Variants in SLCO4A1 observed in about 807,000 individuals in gnomAD.
SLCO4A1 encodes solute carrier organic anion transporter family member 4A1.
In SLCO4A1, 51 loss-of-function variants were observed where a neutral mutation model predicts 64.6. The observed-to-expected ratio is 0.79, with a 90% CI of 0.63 to 1.00. The LOEUF is 1.00. SLCO4A1 is among the 50% of genes least tolerant of loss of function. The probability of loss-of-function intolerance (pLI) is 0.00; values close to 1 mark genes in which losing one functional copy is unlikely to be tolerated. For missense variants in SLCO4A1, 919 were observed against 980.5 expected, an observed-to-expected ratio of 0.94 and a Z score of 0.84; for synonymous variants, 471 against 444.9, an observed-to-expected ratio of 1.06 and a Z score of -0.74.
chr20:62,680,705 C>T (rs980531234), intron 2 of SLCO4A1, among the ~76,000 whole-genome samples: 24 of 152,084 alleles, frequency 1.6e-4, no homozygotes, highest in African/African-American at 5.5e-4. Flanking sequence ...TTAAGCCTGC[C>T]CCCCACCCCC....
intron 2 of SLCO4A1, among the ~76,000 whole-genome samples, chr20:62,683,351 A>G (rs971476258): frequency 4.0e-5 from 6 of 151,680 alleles, no homozygotes; most frequent in Admixed American, 6.6e-5. Flanking sequence ...GCTGCTGGCC[A>G]TGCCTGGAGG....
In SLCO4A1 at chr20:62,644,344, C is replaced by T. The variant is rs1312214843; in HGVS notation, c.-97+1791C>T. Among the ~76,000 whole-genome samples, 2 of 152,252 alleles carry T rather than the reference C, an allele frequency of 1.3e-5. No homozygotes were observed. Among genetic ancestry groups the T allele is most frequent in the East Asian group, 1.9e-4 (1 of 5,202 alleles). ...AGCAGGTGGTGCCTGGAAAATTCTT[C>T]ATGAGGGAGCTTCCCTCCCGAGTGG... On this transcript the variant is annotated intron_variant, in intron 1 of 11. Coordinates refer to ENST00000217159, the MANE Select transcript of SLCO4A1 (RefSeq NM_016354.4). The surrounding 1 kb of genome is among the most constrained non-coding windows in gnomAD (Gnocchi z 5.4).
rs755143971 is a variant in SLCO4A1, at chr20:62,671,734, G to C, written c.2026-16G>C. 6 of 1,609,778 alleles carry C rather than the reference G, an allele frequency of 3.7e-6. No homozygotes were observed. The highest frequency in any genetic ancestry group is 1.7e-5 in the Admixed American group (1 of 59,890). On this transcript the variant is annotated splice_polypyrimidine_tract_variant and intron_variant, in intron 11 of 11. Transcript: ENST00000217159. ...CCGAGCTCCCCACGAGGTCCAGCGG[G>C]CTCCTCTCTCCCCAGGTGCTGGGCG...
intron 5 of SLCO4A1, chr20:62,662,879 G>A (rs1985297355): frequency 6.6e-6 from 1 of 151,936 alleles, no homozygotes. Context: ...CCCACCCCAG[G>A]TCTGTCACCC....
intron 1 of SLCO4A1, among the ~76,000 whole-genome samples, chr20:62,654,404 C>T (rs1358636424): frequency 6.6e-6 from 1 of 152,246 alleles, no homozygotes; most frequent in African/African-American, 2.4e-5. Context: ...CCGCCCACCC[C>T]AGCCCCAGCG....
intron 5 of SLCO4A1, chr20:62,663,073 A>T (rs1018201204): frequency 6.6e-6 from 1 of 152,220 alleles, no homozygotes; most frequent in African/African-American, 2.4e-5. Flanking sequence ...AGGGAAGGGG[A>T]CAGAAAGAAC....
chr20:62,679,800 C>G (rs1041224673), intron 2 of SLCO4A1, among the ~76,000 whole-genome samples: 1 of 152,240 alleles, frequency 6.6e-6, no homozygotes, highest in Non-Finnish European at 1.5e-5. Flanking sequence ...GCCCAGGCCA[C>G]AGCAGCAGCA....
At chr20:62,647,248 G>C (rs1981513730) in intron 1 of SLCO4A1, among the ~76,000 whole-genome samples, 1 of 152,240 alleles carries the variant, frequency 6.6e-6, no homozygotes, top group Non-Finnish European at 1.5e-5. Flanking sequence ...AGGTGTCTTG[G>C]GGGGCTGGTG....
chr20:62,689,299 G>A (rs550638141), downstream of SLCO4A1, among the ~76,000 whole-genome samples: 506 of 151,540 alleles, frequency 3.3e-3, 7 homozygotes, highest in South Asian at 0.03. Context: ...CCCGTGCCTC[G>A]CAGGCCTGTC....
chr20:62,673,595 G>C (rs1444903160), downstream of SLCO4A1, among the ~76,000 whole-genome samples: 3 of 143,398 alleles, frequency 2.1e-5, 1 homozygote, highest in East Asian at 6.1e-4. Flanking sequence ...GGTTATAAGA[G>C]ACCACGACAC....
chr20:62,649,790 ACTC>A (rs1342597447), intron 1 of SLCO4A1: 1 of 151,854 alleles, frequency 6.6e-6, no homozygotes, highest in African/African-American at 2.4e-5. Context: ...CCATCTGCAG[ACTC>A]CTCATTTGCA....
chr20:62,660,565 A>G (rs778773362), intron 4 of SLCO4A1, 32 bp downstream of exon 4: 12 of 1,600,602 alleles, frequency 7.5e-6, no homozygotes, highest in Non-Finnish European at 9.3e-6. Context: ...CAGCCTTCAC[A>G]TTGGGAGACT....
At chr20:62,669,831 C>T (rs1246185189) in intron 11 of SLCO4A1, 3 of 152,128 alleles carry the variant, frequency 2.0e-5, no homozygotes, top group African/African-American at 7.2e-5. Flanking sequence ...TTCACCTCCC[C>T]TCGGATTAGC....
rs533884903 is a variant in SLCO4A1, at chr20:62,671,381, T to C, written c.2026-369T>C. 6.6e-5 allele frequency among the ~76,000 whole-genome samples: 10 copies of C among 152,204 alleles called. No individual in the cohort carries two copies. In the South Asian group the frequency reaches 1.4e-3, roughly 22 times the overall value. On this transcript the variant is annotated intron_variant, in intron 11 of 11. Transcript: ENST00000217159. ...CTTTCTCTCATGAGGACACCAGTCA[T>C]TGGATTTGGGGCCCACCTTAGATCC...
In SLCO4A1 at chr20:62,685,540, T is replaced by A. The variant is rs1988030633; in HGVS notation, n.311T>A. ...CACCAAGGCCGTGATGGATGTGGAG[T>A]CTCGGCTTTCTGACAACGTCTTCCA... is the stretch of plus-strand genomic sequence containing the variant. On this transcript the variant is annotated non_coding_transcript_exon_variant, in exon 3 of 3. Coordinates refer to the SLCO4A1 transcript ENST00000466818. The surrounding 1 kb of genome is among the most constrained non-coding windows in gnomAD (Gnocchi z 4.6). The A allele has an allele frequency of 1.4e-6, 1 of 727,164 alleles. No individual in the cohort carries two copies. Among genetic ancestry groups the A allele is most frequent in the African/African-American group, 1.9e-5 (1 of 52,062 alleles). The allele number at this position is 727,164 out of a possible 1,614,324, so 45.0% of individuals were successfully genotyped here. A position where few individuals can be genotyped will look rare whatever the true frequency, so the allele number is the denominator to read the frequency against.
chr20:62,683,340 C>T (rs1395731722), intron 2 of SLCO4A1, among the ~76,000 whole-genome samples: 5 of 152,068 alleles, frequency 3.3e-5, no homozygotes, highest in African/African-American at 9.7e-5. Flanking sequence ...GCCAGCCGCT[C>T]GCTGCTGGCC....
chr20:62,685,360 A>G lies in SLCO4A1; in HGVS notation n.212-81A>G, dbSNP rs1402552281. 19 of 790,920 alleles carry G rather than the reference A, an allele frequency of 2.4e-5. No homozygotes were observed. Among genetic ancestry groups the G allele is most frequent in the Non-Finnish European group, 2.8e-5 (18 of 652,468 alleles). 49.0% of individuals were successfully genotyped at this position (790,920 alleles called of 1,614,324 possible). On this transcript the variant is annotated intron_variant and non_coding_transcript_variant, in intron 2 of 2. Coordinates refer to the SLCO4A1 transcript ENST00000466818. This position sits in a 1 kb window ranked among gnomAD's most constrained non-coding sequence, Gnocchi z 4.6. Reference sequence around the variant, plus strand: ...TGCCCAAGGGTGGGTTCGTGGGGCAACTGCACCCGCTCCCTTCCACTCTGC... The same window carrying G: ...TGCCCAAGGGTGGGTTCGTGGGGCAGCTGCACCCGCTCCCTTCCACTCTGC...
At position 62,685,575 on chromosome 20, in the gene SLCO4A1, T is replaced by A; in HGVS notation, n.346T>A. ...CTGACAACGTCTTCCAGAGCAGGCT[T>A]TCTCTAGAGGGTGGACTGCCTGTGT... On this transcript the variant is annotated non_coding_transcript_exon_variant, in exon 3 of 3. Transcript: ENST00000466818. This position sits in a 1 kb window ranked among gnomAD's most constrained non-coding sequence, Gnocchi z 4.6. The A allele has an allele frequency of 2.4e-6, 1 of 417,722 alleles. No homozygotes were observed. Among genetic ancestry groups the A allele is most frequent in the Non-Finnish European group, 3.2e-6 (1 of 310,974 alleles). 25.9% of individuals were successfully genotyped at this position (417,722 alleles called of 1,614,324 possible). A position where few individuals can be genotyped will look rare whatever the true frequency, so the allele number is the denominator to read the frequency against.
chr20:62,682,033 C>T (rs1987856565), intron 2 of SLCO4A1, among the ~76,000 whole-genome samples: 1 of 152,206 alleles, frequency 6.6e-6, no homozygotes. Context: ...GAGCCCTCAG[C>T]CGGGCCCCGT....
Sources: allele counts gnomAD v4.1 joint callset (sites outside exome capture counted in the v4.1 genomes callset), GRCh38; gene constraint gnomAD v4.1.1; non-coding constraint Gnocchi (gnomAD v3.1); transcripts MANE v1.5; gene names NCBI Gene and HGNC (gene_info 2026-07-23, HGNC 2026-07-21).